Variants in NPHP4 observed in about 807,000 individuals in gnomAD.
NPHP4 encodes the protein nephrocystin-4.
A neutral mutation model predicts 155.8 loss-of-function variants in NPHP4; 151 were observed. The ratio of observed to expected loss-of-function variants is 0.97; its 90% CI spans 0.85 to 1.11. The LOEUF (loss-of-function observed/expected upper bound fraction) is 1.11. Among genes scored for constraint, NPHP4 ranks in the 50% least tolerant of loss-of-function variants. The pLI, the probability that NPHP4 is intolerant of heterozygous loss-of-function variation, is 0.00. For synonymous variants in NPHP4, 845 were observed against 816.8 expected, an observed-to-expected ratio of 1.03 and a Z score of -0.59; for missense variants, 1,956 against 1,925.7, an observed-to-expected ratio of 1.02 and a Z score of -0.29.
chr1:5,871,122 A>G (rs1181976848), intron 23 of NPHP4, among the ~76,000 whole-genome samples: 1 of 152,270 alleles, frequency 6.6e-6, no homozygotes, highest in African/African-American at 2.4e-5. Context: ...AAAAATGCAC[A>G]AACAGAGAGT....
In NPHP4 at chr1:5,952,751, C is replaced by T. The variant is rs1648400875; in HGVS notation, c.759G>A (p.Glu253=). 6.4e-7 allele frequency: 1 copy of T among 1,566,348 alleles called. No homozygotes were observed. The highest frequency in any genetic ancestry group is 8.7e-7 in the Non-Finnish European group (1 of 1,154,884). Residue 253 remains glutamate (E), a synonymous_variant, in exon 7 of 30, where the codon GAG becomes GAA. Coordinates refer to ENST00000378156, the MANE Select transcript of NPHP4 (RefSeq NM_015102.5). Reference sequence around the variant, plus strand: ...GCTCCAGCAGCTCTTCCTCAAACTTCTCCAGGGAGGGGTACAGGGTGAAGA... The same window carrying T: ...GCTCCAGCAGCTCTTCCTCAAACTTTTCCAGGGAGGGGTACAGGGTGAAGA... ...DLFFTLYPSL[E]KFEEELLELH... is the part of the protein sequence containing the mutation.
rs763112800 is a variant in NPHP4, at chr1:5,863,307, G to C, written c.4239C>G (p.Asp1413Glu). The change falls in exon 30 of 30, where the codon GAC becomes GAG. Residue 1413 changes from aspartate (D) to glutamate (E), a missense_variant. By Grantham distance (45) the Asp-to-Glu change is conservative. Coordinates refer to ENST00000378156, the MANE Select transcript of NPHP4 (RefSeq NM_015102.5). ...EILIYINDHEDKNEEAFCVKV... is the reference protein window; with the variant it reads ...EILIYINDHEEKNEEAFCVKV... ...TCACGCAAAATGCCTCTTCGTTTTTGTCCTCATGGTCATTGATGTAGATCA... is the reference window on the plus strand; with the variant it reads ...TCACGCAAAATGCCTCTTCGTTTTTCTCCTCATGGTCATTGATGTAGATCA... 25 of 1,613,838 alleles carry C rather than the reference G, an allele frequency of 1.5e-5. No homozygotes were observed. In the Admixed American group the frequency reaches 4.2e-4, roughly 27 times the overall value.
chr1:5,900,239 A>T (rs570724712), intron 16 of NPHP4, among the ~76,000 whole-genome samples: 2 of 152,400 alleles, frequency 1.3e-5, no homozygotes, highest in Admixed American at 1.3e-4. Flanking sequence ...AAGATTATGT[A>T]CACACAACAC....
Position 5,920,772 on chromosome 1 carries a change from A to G in NPHP4, c.1441+6877T>C, listed in dbSNP as rs187335590. ...CTTCCTTCATTAATTTTTAATGGTC[A>G]TATGTATTGCAAATATCTTTCAGCC... On this transcript the variant is annotated intron_variant, in intron 11 of 29. Coordinates refer to ENST00000378156, the MANE Select transcript of NPHP4 (RefSeq NM_015102.5). Among the ~76,000 whole-genome samples the G allele has an allele frequency of 4.6e-4, 70 of 152,296 alleles. 1 individual carries two copies. In the East Asian group the frequency reaches 0.013, roughly 27 times the overall value.
At chr1:5,873,736 C>T (rs1030103949) in intron 22 of NPHP4, 4 of 295,818 alleles carry the variant, frequency 1.4e-5, no homozygotes, top group East Asian at 2.3e-4. Flanking sequence ...CACCCCATGC[C>T]GGCCTCACGC....
At chr1:5,885,499 T>G (rs1441453657) in intron 18 of NPHP4, among the ~76,000 whole-genome samples, 1 of 152,264 alleles carries the variant, frequency 6.6e-6, no homozygotes, top group African/African-American at 2.4e-5. Context: ...CAAAAGAGGC[T>G]GCCAAGGAAA....
rs754829412 is a variant in NPHP4 at position 5,927,672 on chromosome 1, C to A, written c.1418G>T (p.Arg473Met). Residue 473 changes from arginine to methionine, a missense_variant, in exon 11 of 30, where the codon AGG becomes ATG. Transcript: ENST00000378156. ...SGPKVERRPS[R>M]KPPTSPSSPP... The stretch of plus-strand genomic sequence containing the variant: ...ACTCGAAGGGGACGTGGGTGGTTTC[C>A]TGGAAGGCCGCCGCTCCACTTTGGG... 6 of 1,611,760 alleles carry A rather than the reference C, an allele frequency of 3.7e-6. No homozygotes were observed. The Admixed American group carries it at 1.0e-4, about 27-fold the overall frequency.
rs561823210 is a variant in NPHP4, at chr1:5,867,540, C to T, written c.3472+200G>A. ...GAAGGGCAGACTCAGCCGGCAAATG[C>T]GCACCTAGTCATCTCAGAGGTGGCA... On this transcript the variant is annotated intron_variant, in intron 24 of 29. Coordinates refer to ENST00000378156, the MANE Select transcript of NPHP4 (RefSeq NM_015102.5). The surrounding 1 kb of genome is among the most constrained non-coding windows in gnomAD (Gnocchi z 4.1). 8.1e-6 allele frequency: 5 copies of T among 620,732 alleles called. No homozygotes were observed. The highest frequency in any genetic ancestry group is 3.0e-5 in the Admixed American group (1 of 33,550). 38.5% of individuals were successfully genotyped at this position (620,732 alleles called of 1,614,324 possible). A position where few individuals can be genotyped will look rare whatever the true frequency, so the allele number is the denominator to read the frequency against.
At position 5,969,263 on chromosome 1, in the gene NPHP4, C is replaced by T. The variant is rs190495420; in HGVS notation, c.280-4G>A. 2.4e-5 allele frequency: 37 copies of T among 1,540,964 alleles called. No homozygotes were observed. The African/African-American group carries it at 4.9e-4, about 20-fold the overall frequency. ...GGGATGTGTGAAAATACAAGGGCTGCAGAACAGAAGCCAGAGGATGGTCTG... is the reference window on the plus strand; with the variant it reads ...GGGATGTGTGAAAATACAAGGGCTGTAGAACAGAAGCCAGAGGATGGTCTG... On this transcript the variant is annotated splice_polypyrimidine_tract_variant and splice_region_variant and intron_variant, in intron 3 of 29. Transcript: ENST00000378156.
At chr1:5,960,951 C>G (rs2102126961) in intron 6 of NPHP4, among the ~76,000 whole-genome samples, 1 of 152,306 alleles carries the variant, frequency 6.6e-6, no homozygotes, top group East Asian at 1.9e-4. Context: ...CAAGTGTTAA[C>G]TGATGAAACA....
chr1:5,864,159 G>A (rs1640939169), intron 28 of NPHP4, 126 bp from the exon 29 acceptor site: 13 of 1,176,250 alleles, frequency 1.1e-5, no homozygotes, highest in East Asian at 7.7e-5. Context: ...TAAGACAGAC[G>A]CTCTCTGGAG....
At position 5,892,559 on chromosome 1, in the gene NPHP4, C is replaced by G. The variant is rs1644185185; in HGVS notation, c.2144-1531G>C. Among the ~76,000 whole-genome samples the G allele has an allele frequency of 1.3e-5, 2 of 152,262 alleles. No individual in the cohort carries two copies. The highest frequency in any genetic ancestry group is 6.5e-5 in the Admixed American group (1 of 15,298). On this transcript the variant is annotated intron_variant, in intron 16 of 29. Transcript: ENST00000378156. The surrounding 1 kb of genome is among the most constrained non-coding windows in gnomAD (Gnocchi z 4.5). ...GTAGCATTGAAAGGCCCTGGCAGTGCTGGGGTATAGTGGTGACAGAATGGG... is the reference window on the plus strand; with the variant it reads ...GTAGCATTGAAAGGCCCTGGCAGTGGTGGGGTATAGTGGTGACAGAATGGG...
chr1:5,898,672 G>A (rs1644518197), intron 16 of NPHP4, among the ~76,000 whole-genome samples: 1 of 152,252 alleles, frequency 6.6e-6, no homozygotes, highest in African/African-American at 2.4e-5. Context: ...CTCTGGCAAT[G>A]TCAAATTTTG....
At chr1:5,925,426 T>C (rs1645949429) in intron 11 of NPHP4, among the ~76,000 whole-genome samples, 2 of 152,234 alleles carry the variant, frequency 1.3e-5, no homozygotes, top group African/African-American at 2.4e-5. Flanking sequence ...TACCGAGGGA[T>C]AACTCTAATC....
intron 5 of NPHP4, among the ~76,000 whole-genome samples, chr1:5,963,431 T>C (rs1171910357): frequency 1.3e-5 from 2 of 152,132 alleles, no homozygotes; most frequent in Non-Finnish European, 2.9e-5. Context: ...ACTGTATTTT[T>C]TTTAGTACCT....
chr1:5,985,870 C>A (rs570812208), intron 2 of NPHP4, among the ~76,000 whole-genome samples: 6 of 152,218 alleles, frequency 3.9e-5, no homozygotes. Context: ...TACATCAGAG[C>A]TTAGCGTGGC....
intron 10 of NPHP4, 25 bp downstream of exon 10, chr1:5,933,122 G>A (rs1646361291): frequency 6.8e-7 from 1 of 1,477,462 alleles, no homozygotes; most frequent in African/African-American, 1.4e-5. Context: ...CACCGGAGAT[G>A]CATAAGAAAT....
chr1:5,872,796 C>T (rs1642139475), intron 23 of NPHP4, among the ~76,000 whole-genome samples: 1 of 152,256 alleles, frequency 6.6e-6, no homozygotes. Context: ...TCAAGCTCCT[C>T]CTGAGAATGT....
chr1:5,980,712 C>T (rs926672069), intron 2 of NPHP4, among the ~76,000 whole-genome samples: 3 of 151,826 alleles, frequency 2.0e-5, no homozygotes, highest in African/African-American at 7.3e-5. Flanking sequence ...CTGCCTAGGT[C>T]GGCCCAGCCC....
Sources: gnomAD v4.1 joint callset for allele counts (sites outside exome capture counted in the v4.1 genomes callset) on GRCh38, gnomAD v4.1.1 for gene constraint, Gnocchi (gnomAD v3.1) non-coding constraint, MANE v1.5 for transcripts, NCBI Gene and HGNC (gene_info 2026-07-23, HGNC 2026-07-21) for gene names.